The following ENTPD5 variants were observed in gnomAD, a reference collection of about 807,000 sequenced individuals.
The protein encoded by ENTPD5 is ectonucleoside triphosphate diphosphohydrolase 5 (inactive).
Under a neutral mutation model 60.2 loss-of-function variants are expected in ENTPD5, and 49 were observed. That is an observed-to-expected ratio of 0.81 (90% CI 0.65 to 1.03). The LOEUF (loss-of-function observed/expected upper bound fraction) is 1.03, where lower values mean the gene tolerates loss of function less well. Among genes scored for constraint, ENTPD5 ranks in the 50% least tolerant of loss-of-function variants. The probability of loss-of-function intolerance (pLI) is 0.00; values close to 1 mark genes in which losing one functional copy is unlikely to be tolerated. For synonymous variants in ENTPD5, 187 were observed against 185.4 expected (o/e 1.01, Z -0.07); for missense variants, 480 against 507.6 (o/e 0.95, Z 0.52).
At chr14:73,967,396 G>A (rs2057022030) in intron 15 of ENTPD5, among the ~76,000 whole-genome samples, 1 of 152,234 alleles carries the variant, frequency 6.6e-6, no homozygotes, top group African/African-American at 2.4e-5. Context: ...AATGATAATA[G>A]ATGTGGCAGA....
chr14:73,971,921 A>G lies in ENTPD5; in HGVS notation c.1028-13T>C, dbSNP rs918892165. The G allele has an allele frequency of 3.3e-6, 5 of 1,519,820 alleles. No homozygotes were observed. Among genetic ancestry groups the G allele is most frequent in the Middle Eastern group, 1.7e-4 (1 of 5,914 alleles). 94.1% of individuals were successfully genotyped at this position (1,519,820 alleles called of 1,614,324 possible). On this transcript the variant is annotated splice_polypyrimidine_tract_variant and intron_variant, in intron 13 of 15. Coordinates refer to ENST00000334696, the MANE Select transcript of ENTPD5 (RefSeq NM_001249.5). ...CCCTTTTCATAATCTGAAATAAAACAGAAGATTATCTGATATCAAAACGCC... is the reference window on the plus strand; with the variant it reads ...CCCTTTTCATAATCTGAAATAAAACGGAAGATTATCTGATATCAAAACGCC...
intron 3 of ENTPD5, among the ~76,000 whole-genome samples, chr14:74,000,360 G>A (rs1448684804): frequency 6.6e-6 from 1 of 151,924 alleles, no homozygotes; most frequent in Admixed American, 6.6e-5. Flanking sequence ...GGGAGGCTGA[G>A]GTGGGAGGAT....
Position 73,976,526 on chromosome 14 carries a change from A to T in ENTPD5, c.554-114T>A, listed in dbSNP as rs2057452197. 5.2e-6 allele frequency: 4 copies of T among 764,856 alleles called. No homozygotes were observed. In the East Asian group the frequency reaches 7.8e-5, roughly 15 times the overall value. The allele number at this position is 764,856 out of a possible 1,614,324, so 47.4% of individuals were successfully genotyped here. ...TTCCATACATACTCCACTGCTCCCC[A>T]GCCCCAAGGCTGCAGGTGAATGTCA... On this transcript the variant is annotated intron_variant, in intron 8 of 15. Coordinates refer to ENST00000334696, the MANE Select transcript of ENTPD5 (RefSeq NM_001249.5).
intron 3 of ENTPD5, among the ~76,000 whole-genome samples, chr14:74,008,241 A>C (rs922818595): frequency 1.3e-5 from 2 of 152,156 alleles, no homozygotes; most frequent in Non-Finnish European, 2.9e-5. Flanking sequence ...ATTGAACAGA[A>C]TTAAGTTCCA....
intron 13 of ENTPD5, 49 bp from the exon 14 acceptor site, chr14:73,971,957 C>T (rs1566712604): frequency 8.8e-7 from 1 of 1,136,206 alleles, no homozygotes; most frequent in South Asian, 1.2e-5. Flanking sequence ...TTCAAGGAAG[C>T]ATAAGGAAAT....
At chr14:73,998,822 T>G (rs910683540) in intron 3 of ENTPD5, among the ~76,000 whole-genome samples, 71 of 152,148 alleles carry the variant, frequency 4.7e-4, no homozygotes, top group African/African-American at 1.6e-3. Flanking sequence ...TGAGGAACAG[T>G]GAATGGATCA....
rs1257183677 is a variant in ENTPD5, at chr14:73,987,869, G to A, written c.217+17C>T. 2.5e-6 allele frequency: 4 copies of A among 1,613,058 alleles called. No homozygotes were observed. Among genetic ancestry groups the A allele is most frequent in the Non-Finnish European group, 3.4e-6 (4 of 1,179,350 alleles). Reference sequence around the variant, plus strand: ...TGTGGATTTACAGACTCTACTAAGGGTCCCAGTTGCACTTACCTGGCATTT... The same window carrying A: ...TGTGGATTTACAGACTCTACTAAGGATCCCAGTTGCACTTACCTGGCATTT... On this transcript the variant is annotated intron_variant, in intron 4 of 15. Coordinates refer to ENST00000334696, the MANE Select transcript of ENTPD5 (RefSeq NM_001249.5).
At chr14:73,959,583 T>G (rs756613702), downstream of ENTPD5, 12 of 1,547,320 alleles carry the variant, frequency 7.8e-6, no homozygotes, top group South Asian at 1.1e-5. Flanking sequence ...AAGGTGTTGT[T>G]TTTTTTTTTT....
chr14:73,994,559 C>T (rs1217550551), intron 3 of ENTPD5, among the ~76,000 whole-genome samples: 2 of 151,572 alleles, frequency 1.3e-5, no homozygotes, highest in Admixed American at 6.6e-5. Flanking sequence ...ATGGTGACAC[C>T]CCATCTCTAC....
intron 3 of ENTPD5, among the ~76,000 whole-genome samples, chr14:73,989,012 C>T (rs1388729333): frequency 9.2e-5 from 14 of 151,768 alleles, no homozygotes; most frequent in African/African-American, 2.2e-4. Flanking sequence ...TTAGTACAGA[C>T]GGGGTTTCAC....
chr14:74,008,124 A>AC, intron 3 of ENTPD5, among the ~76,000 whole-genome samples: 1 of 151,264 alleles, frequency 6.6e-6, no homozygotes, highest in South Asian at 2.1e-4. Flanking sequence ...ATAAGCCACC[A>AC]CCCCCAGACA....
intron 10 of ENTPD5, 70 bp downstream of exon 10, chr14:73,975,866 T>C: frequency 7.7e-7 from 1 of 1,303,764 alleles, no homozygotes; most frequent in South Asian, 1.3e-5. Context: ...ATAACAGATT[T>C]GAGAATGCTT....
chr14:73,974,270 A>G (rs574511711), intron 11 of ENTPD5, among the ~76,000 whole-genome samples: 2 of 152,198 alleles, frequency 1.3e-5, no homozygotes, highest in South Asian at 4.1e-4. Context: ...AAAACCTTCA[A>G]TACAGCAACT....
chr14:73,977,420 A>G, intron 6 of ENTPD5, 46 bp from the exon 7 acceptor site: 1 of 1,345,132 alleles, frequency 7.4e-7, no homozygotes, highest in Non-Finnish European at 1.0e-6. Context: ...CTAAGGCAAT[A>G]AAATAGATTT....
chr14:73,971,621 T>C (rs534165974), intron 14 of ENTPD5, among the ~76,000 whole-genome samples: 7 of 152,344 alleles, frequency 4.6e-5, no homozygotes, highest in African/African-American at 1.4e-4. Flanking sequence ...CTTGAATTTC[T>C]GGCCTCAAGC....
rs2057240611 is a variant in ENTPD5, at chr14:73,971,860, G to C, written c.1076C>G (p.Ala359Gly). The C allele has an allele frequency of 6.2e-7, 1 of 1,605,430 alleles. No individual in the cohort carries two copies. Among genetic ancestry groups the C allele is most frequent in the South Asian group, 1.1e-5 (1 of 90,902 alleles). Reference sequence around the variant, plus strand: ...CTTCCCCTGACACTTACCTTCCCTGGCTTTTCTTTCAAAATCTTCAACTTT... The same window carrying C: ...CTTCCCCTGACACTTACCTTCCCTGCCTTTTCTTTCAAAATCTTCAACTTT... Reference protein sequence around the residue: ...ILKVEDFERKAREVCDNLENF... With the variant: ...ILKVEDFERKGREVCDNLENF... Residue 359 changes from alanine (A) to glycine (G), a missense_variant, in exon 14 of 16, where the codon GCC becomes GGC. Physicochemically the swap from Ala to Gly is moderately conservative, Grantham distance 60. Transcript: ENST00000334696.
intron 7 of ENTPD5, 43 bp from the exon 8 acceptor site, chr14:73,977,102 T>C: frequency 6.3e-7 from 1 of 1,583,254 alleles, no homozygotes; most frequent in Non-Finnish European, 8.6e-7. Flanking sequence ...AGAGCATTTT[T>C]TCTCTTTCCT....
At chr14:73,982,137 T>C (rs915223035) in intron 6 of ENTPD5, among the ~76,000 whole-genome samples, 3 of 152,212 alleles carry the variant, frequency 2.0e-5, no homozygotes, top group Non-Finnish European at 4.4e-5. Context: ...TGCAGTGGTG[T>C]GATCTCAGCT....
At chr14:73,961,068 T>G, downstream of ENTPD5, 1 of 1,312,462 alleles carries the variant, frequency 7.6e-7, no homozygotes, top group South Asian at 1.3e-5. Context: ...GCAAGTTGGG[T>G]AGCATTAGCC....
Sources: gnomAD v4.1 joint callset for allele counts (sites outside exome capture counted in the v4.1 genomes callset) on GRCh38, gnomAD v4.1.1 for gene constraint, MANE v1.5 for transcripts, NCBI Gene and HGNC (gene_info 2026-07-23, HGNC 2026-07-21) for gene names.